The following TLE1 variants were observed in gnomAD, a reference collection of about 807,000 sequenced individuals.
TLE1 encodes transducin-like enhancer protein 1.
TLE1 carries 21 observed loss-of-function variants against 89.8 expected under a neutral mutation model. That is an observed-to-expected ratio of 0.23 (90% CI 0.17 to 0.34). The LOEUF (loss-of-function observed/expected upper bound fraction) is 0.34. Among genes scored for constraint, TLE1 ranks in the 10% least tolerant of loss-of-function variants. The pLI, the probability that TLE1 is intolerant of heterozygous loss-of-function variation, is 1.00. For missense variants in TLE1, 795 were observed against 1,031.2 expected, an observed-to-expected ratio of 0.77 and a Z score of 3.14; for synonymous variants, 447 against 407.6, an observed-to-expected ratio of 1.10 and a Z score of -1.16.
intron 6 of TLE1, 100 bp downstream of exon 6, chr9:81,652,106 TACACACAC>T (rs3045544): frequency 2.9e-4 from 200 of 696,440 alleles, no homozygotes; most frequent in African/African-American, 1.8e-3. Context: ...AACGTTAAGA[TACACACAC>T]ACACACACAC....
rs530620332 is a variant in TLE1 at position 81,687,539 on chromosome 9, G to T, written c.25-105C>A. 25 of 827,830 alleles carry T rather than the reference G, an allele frequency of 3.0e-5. No individual in the cohort carries two copies. The African/African-American group carries it at 3.1e-4, about 10-fold the overall frequency. 51.3% of individuals were successfully genotyped at this position (827,830 alleles called of 1,614,324 possible). A position where few individuals can be genotyped will look rare whatever the true frequency, so the allele number is the denominator to read the frequency against. On this transcript the variant is annotated intron_variant, in intron 1 of 19. Coordinates refer to ENST00000376499, the MANE Select transcript of TLE1 (RefSeq NM_005077.5). ...CGGGTGGGACATAAACATAAAGTTA[G>T]AAGTGGCTGAAAACGAGGCCCCAAA...
In TLE1 at chr9:81,593,184, A is replaced by G. The variant is rs1483963023; in HGVS notation, c.1422T>C (p.His474=). ...GGTTGAGGGTGTTGATCTGGCGAGC[A>G]TGCCGGGGGATTCCGGGTCCGATGA... is the stretch of plus-strand genomic sequence containing the variant. ...DALIGPGIPR[H]ARQINTLNHG... Residue 474 remains histidine (H), a synonymous_variant, in exon 15 of 20, where the codon CAT becomes CAC. Transcript: ENST00000376499. The G allele has an allele frequency of 6.2e-6, 10 of 1,613,918 alleles. No homozygotes were observed. Among genetic ancestry groups the G allele is most frequent in the African/African-American group, 1.3e-5 (1 of 74,864 alleles).
At chr9:81,587,921 T>TGTGTGTGTCATCCCGC in intron 16 of TLE1, 93 bp from the exon 17 acceptor site, 1 of 923,880 alleles carries the variant, frequency 1.1e-6, no homozygotes, top group Non-Finnish European at 1.5e-6. Context: ...TGTGTGTGTG[T>TGTGTGTGTCATCCCGC]GTGTGTGTGT....
At chr9:81,638,438 G>C (rs562389754) in intron 6 of TLE1, among the ~76,000 whole-genome samples, 1 of 152,196 alleles carries the variant, frequency 6.6e-6, no homozygotes, top group South Asian at 2.1e-4. Flanking sequence ...AAAGGACAGC[G>C]CTCCTCTGTC....
intron 6 of TLE1, among the ~76,000 whole-genome samples, chr9:81,646,209 T>TA (rs1341922590): frequency 6.6e-6 from 1 of 152,058 alleles, no homozygotes; most frequent in Non-Finnish European, 1.5e-5. Context: ...CAAAGCATGA[T>TA]GACAATAATC....
chr9:81,642,957 G>A (rs1364951237), intron 6 of TLE1, among the ~76,000 whole-genome samples: 1 of 152,176 alleles, frequency 6.6e-6, no homozygotes, highest in African/African-American at 2.4e-5. Context: ...AGAACAGTAG[G>A]CTAAGCGAAA....
At chr9:81,686,984 T>G (rs1049124262) in intron 2 of TLE1, among the ~76,000 whole-genome samples, 2 of 152,132 alleles carry the variant, frequency 1.3e-5, no homozygotes, top group Non-Finnish European at 2.9e-5. Context: ...GAACCCACAC[T>G]CCAGGACTGA....
In TLE1 at chr9:81,587,914, G is replaced by GTGTGTGTGTGTGTGTGTCATCCCGCC. The variant is rs1828794664; in HGVS notation, c.1830-87_1830-86insGGCGGGATGACACACACACACACACA. 8 of 868,966 alleles carry GTGTGTGTGTGTGTGTGTCATCCCGCC rather than the reference G, an allele frequency of 9.2e-6. No individual in the cohort carries two copies. In the South Asian group the frequency reaches 1.1e-4, roughly 12 times the overall value. The allele number at this position is 868,966 out of a possible 1,614,324, so 53.8% of individuals were successfully genotyped here. A position where few individuals can be genotyped will look rare whatever the true frequency, so the allele number is the denominator to read the frequency against. ...GTGTTGTTAGTTTTGGACCGTGTGT[G>GTGTGTGTGTGTGTGTGTCATCCCGCC]TGTGTGTGTGTGTGTGTGTGTGTGT... On this transcript the variant is annotated intron_variant, in intron 16 of 19. Transcript: ENST00000376499.
At chr9:81,657,514 C>T (rs1830282269) in intron 4 of TLE1, among the ~76,000 whole-genome samples, 1 of 152,136 alleles carries the variant, frequency 6.6e-6, no homozygotes, top group Admixed American at 6.5e-5. Flanking sequence ...CCTAGAATGG[C>T]ATCAAAGTAG....
intron 10 of TLE1, 132 bp from the exon 11 acceptor site, chr9:81,616,266 C>CA (rs907099004): frequency 9.0e-7 from 1 of 1,110,294 alleles, no homozygotes; most frequent in Non-Finnish European, 1.3e-6. Context: ...AGGTGACCAA[C>CA]ACCATGTTAT....
At chr9:81,611,360 T>C (rs1434886408) in intron 13 of TLE1, among the ~76,000 whole-genome samples, 1 of 152,178 alleles carries the variant, frequency 6.6e-6, no homozygotes, top group Admixed American at 6.5e-5. Context: ...TCAGACATTT[T>C]TTCCTAAGGT....
At position 81,610,277 on chromosome 9, in the gene TLE1, G is replaced by A. The variant is rs143065311; in HGVS notation, c.1274C>T (p.Pro425Leu). ...RSPMVGFDPP[P>L]HMRVPTIPPN... The stretch of plus-strand genomic sequence containing the variant: ...AGGAATGGTAGGTACTCTCATGTGA[G>A]GGGGAGGATCAAACCCCACCTGGAA... Residue 425 changes from proline to leucine, a missense_variant, in exon 14 of 20, where the codon CCT becomes CTT. Around this residue, in one of 4 missense-constraint regions of TLE1, gnomAD observed 468 missense variants for 509.1 expected, o/e 0.92. Transcript: ENST00000376499. The A allele has an allele frequency of 6.2e-7, 1 of 1,613,862 alleles. No homozygotes were observed. The highest frequency in any genetic ancestry group is 1.7e-5 in the Admixed American group (1 of 59,990).
At chr9:81,647,300 C>G (rs1332932156) in intron 6 of TLE1, among the ~76,000 whole-genome samples, 2 of 152,278 alleles carry the variant, frequency 1.3e-5, no homozygotes. Context: ...CACTATCTGC[C>G]TTATTCTTTG....
At chr9:81,655,262 G>C (rs963186290) in intron 4 of TLE1, among the ~76,000 whole-genome samples, 35 of 152,072 alleles carry the variant, frequency 2.3e-4, no homozygotes, top group African/African-American at 8.0e-4. Flanking sequence ...TACTCGGGAG[G>C]CTGCGGCAGA....
chr9:81,661,172 TTA>T (rs1050948179), intron 4 of TLE1, among the ~76,000 whole-genome samples: 13 of 132,838 alleles, frequency 9.8e-5, no homozygotes, highest in Non-Finnish European at 1.6e-4. Flanking sequence ...ACATATATAT[TTA>T]TATATATGTA....
intron 4 of TLE1, among the ~76,000 whole-genome samples, chr9:81,682,639 G>A (rs1413587440): frequency 6.6e-6 from 1 of 152,054 alleles, no homozygotes; most frequent in African/African-American, 2.4e-5. Context: ...TAAAGATCAC[G>A]CCACCACACA....
chr9:81,615,544 CAA>C (rs530072232), intron 11 of TLE1, among the ~76,000 whole-genome samples: 84 of 101,174 alleles, frequency 8.3e-4, no homozygotes, highest in Non-Finnish European at 8.5e-4. Context: ...ACTAAAAATA[CAA>C]AAAAAAAAAA....
At chr9:81,625,227 T>C (rs1825761827) in intron 8 of TLE1, among the ~76,000 whole-genome samples, 1 of 152,212 alleles carries the variant, frequency 6.6e-6, no homozygotes, top group South Asian at 2.1e-4. Context: ...CAAGAGGGCA[T>C]CTTCACTGGC....
In TLE1 at chr9:81,611,816, C is replaced by A; in HGVS notation, c.1207G>T (p.Ala403Ser). 1 of 1,553,378 alleles carries A rather than the reference C, an allele frequency of 6.4e-7. No individual in the cohort carries two copies. Among genetic ancestry groups the A allele is most frequent in the Non-Finnish European group, 8.6e-7 (1 of 1,156,498 alleles). The change falls in exon 13 of 20, where the codon GCC (alanine) becomes TCC (serine). Residue 403 changes from alanine to serine, a missense_variant. Physicochemically the swap from Ala to Ser is moderately conservative, Grantham distance 99. Coordinates refer to ENST00000376499, the MANE Select transcript of TLE1 (RefSeq NM_005077.5). ...SLHNMSPQMS[A>S]AAAAAAVVAY... ...ACCACGGCGGCCGCGGCGGCTGCGG[C>A]GCTCATCTGGGGCGACATGTTGTGT...
Sources: allele counts gnomAD v4.1 joint callset (sites outside exome capture counted in the v4.1 genomes callset), GRCh38; gene constraint gnomAD v4.1.1; regional missense constraint gnomAD v4.1.1; transcripts MANE v1.5; gene names NCBI Gene and HGNC (gene_info 2026-07-23, HGNC 2026-07-21).